Variants in PCDHGA6 observed in about 807,000 individuals in gnomAD.
PCDHGA6 encodes the protein protocadherin gamma subfamily A, 6.
In PCDHGA6, 41 loss-of-function variants were observed where a neutral mutation model predicts 60.6. The ratio of observed to expected loss-of-function variants is 0.68; its 90% CI spans 0.53 to 0.88. The LOEUF (loss-of-function observed/expected upper bound fraction) is 0.88, where lower values mean the gene tolerates loss of function less well. PCDHGA6 is among the 40% of genes least tolerant of loss of function. PCDHGA6 has a pLI of 0.00. For synonymous variants in PCDHGA6, 594 were observed against 524.4 expected (o/e 1.13, Z -1.81); for missense variants, 1,312 against 1,203.0 (o/e 1.09, Z -1.34).
In PCDHGA6 at chr5:141,487,743, G is replaced by C. The variant is rs1424889718; in HGVS notation, c.2425-7064G>C. The C allele has an allele frequency of 1.9e-6, 3 of 1,559,988 alleles. No homozygotes were observed. Among genetic ancestry groups the C allele is most frequent in the Non-Finnish European group, 2.6e-6 (3 of 1,150,774 alleles). ...AGTGATGTCACCATTTTTGTAAGAG[G>C]TAACTATGTGGTAGACGCTGTGCTT... On this transcript the variant is annotated intron_variant, in intron 1 of 3. Transcript: ENST00000517434. The surrounding 1 kb of genome is among the most constrained non-coding windows in gnomAD (Gnocchi z 5.0).
chr5:141,431,440 C>T lies in PCDHGA6; in HGVS notation c.2424+54933C>T. ...ACCCGGTGCGCACAGGCACCGCGCG[C>T]ATCCGCGTGATGGTTCTGGATGCGA... is the stretch of plus-strand genomic sequence containing the variant. On this transcript the variant is annotated intron_variant, in intron 1 of 3. Transcript: ENST00000517434. The surrounding 1 kb of genome is among the most constrained non-coding windows in gnomAD (Gnocchi z 4.8). 6.2e-7 allele frequency: 1 copy of T among 1,613,754 alleles called. No homozygotes were observed.
At chr5:141,395,094 G>T (rs192995605) in intron 1 of PCDHGA6, 4 of 1,614,042 alleles carry the variant, frequency 2.5e-6, no homozygotes, top group Non-Finnish European at 3.4e-6. Flanking sequence ...CTCCCTCACC[G>T]CCGACTCGCG....
intron 1 of PCDHGA6, among the ~76,000 whole-genome samples, chr5:141,469,802 CATT>C (rs2099211643): frequency 6.6e-6 from 1 of 152,022 alleles, no homozygotes; most frequent in Admixed American, 6.6e-5. Context: ...ATTGCAAAAA[CATT>C]GTAGATAGAA....
chr5:141,398,568 G>C, intron 1 of PCDHGA6: 1 of 1,614,014 alleles, frequency 6.2e-7, no homozygotes, highest in African/African-American at 1.3e-5. Context: ...AGTCTGCACA[G>C]CCTGGCACAA....
chr5:141,376,159 C>T lies in PCDHGA6; in HGVS notation c.2076C>T (p.Tyr692=), dbSNP rs1772345017. ...AKPNDSDLTL[Y]LVVAVAAVSC... is the part of the protein sequence containing the mutation. ...CCAACGATTCGGACCTCACTCTGTA[C>T]CTGGTGGTGGCGGTGGCCGCGGTCT... The change falls in exon 1 of 4, where the codon TAC becomes TAT. Residue 692 remains tyrosine (Y), a synonymous_variant. Transcript: ENST00000517434. The T allele has an allele frequency of 1.2e-6, 2 of 1,614,084 alleles. No individual in the cohort carries two copies. Among genetic ancestry groups the T allele is most frequent in the Non-Finnish European group, 8.5e-7 (1 of 1,179,998 alleles).
intron 1 of PCDHGA6, chr5:141,410,562 C>A (rs748563687): frequency 1.9e-6 from 3 of 1,612,718 alleles, no homozygotes; most frequent in Non-Finnish European, 2.5e-6. Context: ...TCTCCTGGAG[C>A]CTTAATTCCA....
In PCDHGA6 at chr5:141,375,097, G is replaced by A; in HGVS notation, c.1014G>A (p.Leu338=). ...GAGCGAAAGTCTTAATAACTATCTT[G>A]GATGTCAATGATAATGTACCAGAAG... ...RDRAKVLITI[L]DVNDNVPEVV... is the part of the protein sequence containing the mutation. Residue 338 remains leucine, a synonymous_variant, in exon 1 of 4, where the codon TTG becomes TTA. Transcript: ENST00000517434. 1 of 1,613,904 alleles carries A rather than the reference G, an allele frequency of 6.2e-7. No individual in the cohort carries two copies. Among genetic ancestry groups the A allele is most frequent in the Non-Finnish European group, 8.5e-7 (1 of 1,179,892 alleles).
Position 141,476,383 on chromosome 5 carries a change from C to T in PCDHGA6, c.2425-18424C>T, listed in dbSNP as rs547854431. The T allele has an allele frequency of 6.2e-7, 1 of 1,613,984 alleles. No homozygotes were observed. The highest frequency in any genetic ancestry group is 8.5e-7 in the Non-Finnish European group (1 of 1,180,044). On this transcript the variant is annotated intron_variant, in intron 1 of 3. Coordinates refer to ENST00000517434, the MANE Select transcript of PCDHGA6 (RefSeq NM_018919.3). This position sits in a 1 kb window ranked among gnomAD's most constrained non-coding sequence, Gnocchi z 7.6. ...GGGAGACCGGAGAGATGTTTGTGAA[C>T]GACCGTCTGGATCGAGAGGAGCTGT...
intron 1 of PCDHGA6, chr5:141,423,349 T>A (rs2096733716): frequency 6.2e-7 from 1 of 1,614,196 alleles, no homozygotes; most frequent in East Asian, 2.2e-5. Context: ...CTTCCTGGTC[T>A]TTGTCATCGT....
intron 1 of PCDHGA6, chr5:141,421,420 G>A: frequency 6.2e-7 from 1 of 1,614,084 alleles, no homozygotes; most frequent in Admixed American, 1.7e-5. Context: ...GAAGCGCGGA[G>A]TCCGCATCGT....
chr5:141,436,393 A>G (rs560164691), intron 1 of PCDHGA6, among the ~76,000 whole-genome samples: 2 of 152,342 alleles, frequency 1.3e-5, no homozygotes, highest in South Asian at 4.1e-4. Context: ...GCTTTATTAA[A>G]TAGTTGTTGA....
At chr5:141,468,487 G>A (rs945439990) in intron 1 of PCDHGA6, 6 of 152,110 alleles carry the variant, frequency 3.9e-5, no homozygotes, top group African/African-American at 1.4e-4. Context: ...TAGGTCTCAT[G>A]GAAGATTTTC....
chr5:141,375,557 G>T lies in PCDHGA6; in HGVS notation c.1474G>T (p.Ala492Ser), dbSNP rs1160596322. Residue 492 changes from alanine to serine, a missense_variant, in exon 1 of 4, where the codon GCA (alanine) becomes TCA (serine). Coordinates refer to ENST00000517434, the MANE Select transcript of PCDHGA6 (RefSeq NM_018919.3). Reference protein sequence around the residue: ...DQNAQVSYSLAEDTLQGAPLS... With the variant: ...DQNAQVSYSLSEDTLQGAPLS... ...GAACGCCCAAGTCTCCTACTCACTG[G>T]CAGAAGACACCCTCCAGGGGGCGCC... 1 of 1,613,988 alleles carries T rather than the reference G, an allele frequency of 6.2e-7. No individual in the cohort carries two copies. The highest frequency in any genetic ancestry group is 1.7e-5 in the Admixed American group (1 of 60,026).
chr5:141,420,301 CT>C, intron 1 of PCDHGA6: 1 of 1,462,308 alleles, frequency 6.8e-7, no homozygotes, highest in Non-Finnish European at 9.2e-7. Flanking sequence ...GTATTTAATC[CT>C]TTTTATATTA....
rs770093591 is a variant in PCDHGA6 at position 141,486,147 on chromosome 5, G to T, written c.2425-8660G>T. ...GAATTTGATGTGCGGGCTCGCGATG[G>T]GGGTTCTCCAGCCATGGAGCAACAT... On this transcript the variant is annotated intron_variant, in intron 1 of 3. Transcript: ENST00000517434. This position sits in a 1 kb window ranked among gnomAD's most constrained non-coding sequence, Gnocchi z 5.0. The T allele has an allele frequency of 6.2e-7, 1 of 1,614,168 alleles. No individual in the cohort carries two copies. The highest frequency in any genetic ancestry group is 1.7e-5 in the Admixed American group (1 of 60,028).
intron 1 of PCDHGA6, among the ~76,000 whole-genome samples, chr5:141,469,345 G>A (rs2099197832): frequency 6.6e-6 from 1 of 152,128 alleles, no homozygotes; most frequent in Non-Finnish European, 1.5e-5. Context: ...GGGAGGCTGA[G>A]GTGGATGGAT....
chr5:141,408,918 C>G, intron 1 of PCDHGA6: 1 of 1,613,408 alleles, frequency 6.2e-7, no homozygotes, highest in Non-Finnish European at 8.5e-7. Flanking sequence ...AATGATAACC[C>G]CCCGGTTTTC....
At chr5:141,450,888 G>C (rs1038570371) in intron 1 of PCDHGA6, among the ~76,000 whole-genome samples, 27 of 145,380 alleles carry the variant, frequency 1.9e-4, no homozygotes, top group Non-Finnish European at 3.9e-4. Flanking sequence ...GCAGTGGTGC[G>C]ATATCGGCTC....
At position 141,432,872 on chromosome 5, in the gene PCDHGA6, C is replaced by T; in HGVS notation, c.2424+56365C>T. On this transcript the variant is annotated intron_variant, in intron 1 of 3. Transcript: ENST00000517434. This position sits in a 1 kb window ranked among gnomAD's most constrained non-coding sequence, Gnocchi z 6.0. ...GGTGGCCGCGGTCTCCTGCGTCTTC[C>T]TGGCCTTCGTCATCTTGCTGCTGGC... is the stretch of plus-strand genomic sequence containing the variant. 1.9e-6 allele frequency: 3 copies of T among 1,614,192 alleles called. No homozygotes were observed. Among genetic ancestry groups the T allele is most frequent in the Non-Finnish European group, 2.5e-6 (3 of 1,180,018 alleles).
Sources: gnomAD v4.1 joint callset for allele counts (sites outside exome capture counted in the v4.1 genomes callset) on GRCh38, gnomAD v4.1.1 for gene constraint, Gnocchi (gnomAD v3.1) non-coding constraint, MANE v1.5 for transcripts, NCBI Gene and HGNC (gene_info 2026-07-23, HGNC 2026-07-21) for gene names.